The following GANAB variants were observed in gnomAD, a reference collection of about 807,000 sequenced individuals.
GANAB encodes glucosidase II alpha subunit.
GANAB carries 35 observed loss-of-function variants against 129.9 expected under a neutral mutation model. The ratio of observed to expected loss-of-function variants is 0.27; its 90% CI spans 0.21 to 0.36. The LOEUF is 0.36. Ranked by LOEUF, GANAB falls within the 10% of genes least tolerant of loss-of-function variation. GANAB has a pLI of 1.00. For missense variants in GANAB, 939 were observed against 1,221.0 expected (o/e 0.77, Z 3.44); for synonymous variants, 482 against 451.8 (o/e 1.07, Z -0.85).
intron 4 of GANAB, among the ~76,000 whole-genome samples, chr11:62,638,500 A>C (rs1944049792): frequency 1.3e-5 from 2 of 152,062 alleles, no homozygotes; most frequent in African/African-American, 4.8e-5. Context: ...TCATGGATGG[A>C]TGCATGGAAC....
At chr11:62,627,443 C>A in intron 17 of GANAB, 90 bp from the exon 18 acceptor site, 1 of 760,532 alleles carries the variant, frequency 1.3e-6, no homozygotes, top group Non-Finnish European at 2.4e-6. Flanking sequence ...AAGAAAAGAA[C>A]AGCATAGGCC....
In GANAB at chr11:62,626,320, TG is replaced by T; in HGVS notation, c.2624+14del. The T allele has an allele frequency of 6.5e-7, 1 of 1,543,048 alleles. No homozygotes were observed. Among genetic ancestry groups the T allele is most frequent in the Non-Finnish European group, 9.0e-7 (1 of 1,115,582 alleles). ...CCCAGCAAAGGCAGCCAAGGAAGAGTGGGTGACCCATTACCTGGAGACAAGG... is the reference window on the plus strand; with the variant it reads ...CCCAGCAAAGGCAGCCAAGGAAGAGTGGTGACCCATTACCTGGAGACAAGG... On this transcript the variant is annotated intron_variant, in intron 22 of 23. Transcript: ENST00000356638.
chr11:62,633,891 C>A, intron 5 of GANAB: 1 of 393,150 alleles, frequency 2.5e-6, no homozygotes, highest in Non-Finnish European at 4.7e-6. Context: ...AGCCTCCTGG[C>A]CTGACACAAT....
At chr11:62,633,917 T>C (rs909374340) in intron 5 of GANAB, 2 of 374,508 alleles carry the variant, frequency 5.3e-6, no homozygotes, top group Non-Finnish European at 9.8e-6. Flanking sequence ...TGCAAAGGCA[T>C]GTGGGTCATA....
rs1320150788 is a variant in GANAB at position 62,639,268 on chromosome 11, G to A, written c.252+91C>T. On this transcript the variant is annotated intron_variant, in intron 3 of 23. Transcript: ENST00000356638. ...AAAGTAAAAGTCCAAAGATTAGGCT[G>A]GGACAAGATGTTGGCCACAATTTCC... 2.4e-6 allele frequency: 3 copies of A among 1,268,400 alleles called. No individual in the cohort carries two copies. In the African/African-American group the frequency reaches 4.4e-5, roughly 19 times the overall value. The allele number at this position is 1,268,400 out of a possible 1,614,324, so 78.6% of individuals were successfully genotyped here.
intron 9 of GANAB, among the ~76,000 whole-genome samples, chr11:62,632,287 A>G (rs1156481939): frequency 6.6e-6 from 1 of 152,078 alleles, no homozygotes; most frequent in Non-Finnish European, 1.5e-5. Context: ...AACCTTTTCA[A>G]CCTCAGTTAA....
chr11:62,633,057 G>C lies in GANAB; in HGVS notation c.763C>G (p.His255Asp). The change falls in exon 8 of 24, where the codon CAT (histidine) becomes GAT (aspartate). Residue 255 changes from histidine (H) to aspartate (D), a missense_variant. His to Asp is a moderately conservative substitution (Grantham distance 81, BLOSUM62 -1). This residue lies in a region of GANAB where 321 missense variants were observed against 329.1 expected (regional missense o/e 0.98). Coordinates refer to ENST00000356638, the MANE Select transcript of GANAB (RefSeq NM_198334.3). ...GCATGCTCAGGGATCCCATAGACAT[G>C]CTCCATGCCTGGCAGAGAGAAGTCC... ...GLDFSLPGME[H>D]VYGIPEHADN... 6.2e-7 allele frequency: 1 copy of C among 1,612,250 alleles called. No homozygotes were observed. Among genetic ancestry groups the C allele is most frequent in the Non-Finnish European group, 8.5e-7 (1 of 1,178,314 alleles).
At chr11:62,646,513 G>A (rs1216445246) in intron 1 of GANAB, 49 bp downstream of exon 1, 4 of 1,599,406 alleles carry the variant, frequency 2.5e-6, no homozygotes, top group Non-Finnish European at 3.4e-6. Context: ...ATGGGACTTG[G>A]GGGATCTGGG....
At chr11:62,631,542 A>T (rs1459027433) in intron 9 of GANAB, among the ~76,000 whole-genome samples, 3 of 151,046 alleles carry the variant, frequency 2.0e-5, no homozygotes, top group Non-Finnish European at 4.4e-5. Context: ...AGCTCACTGC[A>T]ATCTCCACCT....
intron 4 of GANAB, among the ~76,000 whole-genome samples, chr11:62,637,809 C>G (rs931006898): frequency 2.0e-5 from 3 of 151,166 alleles, no homozygotes; most frequent in African/African-American, 7.3e-5. Flanking sequence ...CTGAGGCGGG[C>G]GGATCACGAG....
intron 4 of GANAB, among the ~76,000 whole-genome samples, chr11:62,638,018 G>A (rs190609409): frequency 2.6e-5 from 4 of 152,190 alleles, no homozygotes; most frequent in Admixed American, 2.6e-4. Flanking sequence ...AGACATATGT[G>A]TGCATATGTA....
At chr11:62,645,089 G>C (rs1184585639) in intron 1 of GANAB, among the ~76,000 whole-genome samples, 3 of 152,036 alleles carry the variant, frequency 2.0e-5, no homozygotes, top group Admixed American at 6.6e-5. Context: ...ACTAGGCACT[G>C]TGGTTTAATA....
Position 62,629,831 on chromosome 11 carries a change from T to C in GANAB, c.1720A>G (p.Ile574Val), listed in dbSNP as rs1485088081. The C allele has an allele frequency of 6.2e-7, 1 of 1,614,032 alleles. No individual in the cohort carries two copies. The highest frequency in any genetic ancestry group is 8.5e-7 in the Non-Finnish European group (1 of 1,180,032). The change falls in exon 14 of 24, where the codon ATC becomes GTC. Residue 574 changes from isoleucine to valine, a missense_variant. Ile to Val is a conservative substitution (Grantham distance 29, BLOSUM62 3). Around this residue, in one of 5 missense-constraint regions of GANAB, gnomAD observed 147 missense variants for 282.4 expected, o/e 0.52. Coordinates refer to ENST00000356638, the MANE Select transcript of GANAB (RefSeq NM_198334.3). ...GGWEHRDVHN[I>V]YGLYVHMATA... The stretch of plus-strand genomic sequence containing the variant: ...GCCCTTACCACATAAAGGCCATAGA[T>C]GTTATGCACATCCCGGTGCTCCCAG...
chr11:62,634,804 C>T lies in GANAB; in HGVS notation c.560+17G>A, dbSNP rs1943863292. 1 of 1,604,660 alleles carries T rather than the reference C, an allele frequency of 6.2e-7. No individual in the cohort carries two copies. The highest frequency in any genetic ancestry group is 8.5e-7 in the Non-Finnish European group (1 of 1,172,292). Reference sequence around the variant, plus strand: ...CTTTCACACTAGGTTCCCTGCAGTCCCAACCCCTGTACTCACGAGACCCTA... The same window carrying T: ...CTTTCACACTAGGTTCCCTGCAGTCTCAACCCCTGTACTCACGAGACCCTA... On this transcript the variant is annotated intron_variant, in intron 5 of 23. Transcript: ENST00000356638.
chr11:62,636,769 C>G (rs1943960818), intron 4 of GANAB, among the ~76,000 whole-genome samples: 1 of 151,756 alleles, frequency 6.6e-6, no homozygotes, highest in African/African-American at 2.4e-5. Flanking sequence ...CGCCTGTAGT[C>G]CCAGCTACTC....
chr11:62,629,956 C>T lies in GANAB; in HGVS notation c.1595G>A (p.Gly532Asp). 6.2e-7 allele frequency: 1 copy of T among 1,613,948 alleles called. No individual in the cohort carries two copies. The highest frequency in any genetic ancestry group is 8.5e-7 in the Non-Finnish European group (1 of 1,179,886). Residue 532 changes from glycine to aspartate, a missense_variant and splice_region_variant, in exon 14 of 24, where the codon GGC becomes GAC. Gly to Asp is a moderately conservative substitution (Grantham distance 94, BLOSUM62 -1). Transcript: ENST00000356638. ...ANMFSYDNYE[G>D]SAPNLFVWND... is the part of the protein sequence containing the mutation. Reference sequence around the variant, plus strand: ...CCAGACAAAGAGGTTGGGAGCTGAGCCCTGGGAACGTGGGCAGAAAATGGG... The same window carrying T: ...CCAGACAAAGAGGTTGGGAGCTGAGTCCTGGGAACGTGGGCAGAAAATGGG...
chr11:62,628,163 C>T (rs1943487326), intron 17 of GANAB, among the ~76,000 whole-genome samples: 1 of 151,234 alleles, frequency 6.6e-6, no homozygotes, highest in Non-Finnish European at 1.5e-5. Flanking sequence ...ATGGTCTGTC[C>T]CACTCATTCA....
intron 1 of GANAB, among the ~76,000 whole-genome samples, chr11:62,642,227 T>A (rs886345105): frequency 2.2e-4 from 33 of 151,588 alleles, no homozygotes; most frequent in Non-Finnish European, 3.1e-4. Flanking sequence ...TAAATAAAAA[T>A]TTTTTTTGGT....
Position 62,629,902 on chromosome 11 carries a change from T to C in GANAB, c.1649A>G (p.Asn550Ser), listed in dbSNP as rs369991667. 6.3e-5 allele frequency: 101 copies of C among 1,613,970 alleles called. No individual in the cohort carries two copies. The highest frequency in any genetic ancestry group is 1.1e-4 in the South Asian group (10 of 91,076). The change falls in exon 14 of 24, where the codon AAT becomes AGT. Residue 550 changes from asparagine (N) to serine (S), a missense_variant. Asn to Ser is a conservative substitution (Grantham distance 46). Transcript: ENST00000356638. ...CTTGAGCATGGTGACCTCAGGACCATTGAACACAGATGGTTCGTTCATGTC... is the reference window on the plus strand; with the variant it reads ...CTTGAGCATGGTGACCTCAGGACCACTGAACACAGATGGTTCGTTCATGTC... ...WNDMNEPSVF[N>S]GPEVTMLKDA...
Sources: allele counts gnomAD v4.1 joint callset (sites outside exome capture counted in the v4.1 genomes callset), GRCh38; gene constraint gnomAD v4.1.1; regional missense constraint gnomAD v4.1.1; transcripts MANE v1.5; gene names NCBI Gene and HGNC (gene_info 2026-07-23, HGNC 2026-07-21).